Variants in PHF3 observed in about 807,000 individuals in gnomAD.
PHF3 encodes PHD finger protein 3.
PHF3 carries 41 observed loss-of-function variants against 178.4 expected under a neutral mutation model. That is an observed-to-expected ratio of 0.23 (90% CI 0.18 to 0.30). PHF3 has a LOEUF of 0.30. Ranked by LOEUF, PHF3 falls within the 10% of genes least tolerant of loss-of-function variation. The pLI is 1.00. For missense variants in PHF3, 2,346 were observed against 2,398.1 expected (o/e 0.98, Z 0.45); for synonymous variants, 842 against 800.5 (o/e 1.05, Z -0.88).
chr6:63,717,312 T>TA lies in PHF3; in HGVS notation c.*3608dup, dbSNP rs1241863226. Among the ~76,000 whole-genome samples the TA allele has an allele frequency of 6.6e-6, 1 of 152,068 alleles. No homozygotes were observed. Among genetic ancestry groups the TA allele is most frequent in the African/African-American group, 2.4e-5 (1 of 41,428 alleles). On this transcript the variant is annotated 3_prime_UTR_variant, in exon 16 of 16. Coordinates refer to ENST00000262043, the MANE Select transcript of PHF3 (RefSeq NM_001370348.2). ...AGCTTGATAATGAACCAGATCTTAG[T>TA]AAAACAGTATTTTAACATTTGGATA...
intron 2 of PHF3, among the ~76,000 whole-genome samples, chr6:63,673,357 AAGC>A (rs535404106): frequency 1.3e-3 from 195 of 152,296 alleles, no homozygotes; most frequent in South Asian, 2.9e-3. Context: ...GTTCATAAAA[AAGC>A]AGCATTAGGC....
chr6:63,693,305 C>G (rs559079818), intron 5 of PHF3, among the ~76,000 whole-genome samples: 1 of 152,254 alleles, frequency 6.6e-6, no homozygotes, highest in South Asian at 2.1e-4. Flanking sequence ...GCTGAGTTGT[C>G]TCTGTCTTGC....
chr6:63,707,262 A>G (rs1767734334), intron 13 of PHF3, among the ~76,000 whole-genome samples: 1 of 152,114 alleles, frequency 6.6e-6, no homozygotes, highest in Admixed American at 6.5e-5. Flanking sequence ...TGATTTCCCC[A>G]CTGCTTATGT....
In PHF3 at chr6:63,722,444, C is replaced by T. The variant is rs1383804655; in HGVS notation, c.*8736C>T. 6.6e-6 allele frequency among the ~76,000 whole-genome samples: 1 copy of T among 152,244 alleles called. No homozygotes were observed. The highest frequency in any genetic ancestry group is 1.9e-4 in the East Asian group (1 of 5,180). ...AATATCACTAGGTTTCCCTCCATTA[C>T]AGTATATCTCATTTTATAATTATAT... On this transcript the variant is annotated 3_prime_UTR_variant, in exon 16 of 16. Coordinates refer to ENST00000262043, the MANE Select transcript of PHF3 (RefSeq NM_001370348.2).
rs751911231 is a variant in PHF3 at position 63,698,320 on chromosome 6, G to C, written c.2778G>C (p.Gln926His). 1 of 1,612,726 alleles carries C rather than the reference G, an allele frequency of 6.2e-7. No homozygotes were observed. The highest frequency in any genetic ancestry group is 8.5e-7 in the Non-Finnish European group (1 of 1,179,164). The change falls in exon 7 of 16, where the codon CAG becomes CAC. Residue 926 changes from glutamine (Q) to histidine (H), a missense_variant. Physicochemically the swap from Gln to His is conservative, Grantham distance 24. Around this residue, in one of 8 missense-constraint regions of PHF3, gnomAD observed 252 missense variants for 232.0 expected, o/e 1.09. Coordinates refer to ENST00000262043, the MANE Select transcript of PHF3 (RefSeq NM_001370348.2). ...CTGCTTCCAAGCCTTCTGCAGATCA[G>C]ATCAGGCAAAGTGTCAGACATTCTC... ...AASASKPSAD[Q>H]IRQSVRHSLK...
intron 9 of PHF3, among the ~76,000 whole-genome samples, chr6:63,701,947 C>T (rs1193022887): frequency 6.6e-6 from 1 of 152,114 alleles, no homozygotes; most frequent in Non-Finnish European, 1.5e-5. Flanking sequence ...CTGTTCTATT[C>T]CTGGCTACCT....
intron 2 of PHF3, among the ~76,000 whole-genome samples, chr6:63,655,462 CT>C (rs1408611091): frequency 6.6e-6 from 1 of 152,164 alleles, no homozygotes; most frequent in Non-Finnish European, 1.5e-5. Context: ...AGCTGCCCAC[CT>C]TAGCCCCCCA....
intron 1 of PHF3, chr6:63,636,504 C>G (rs1581977472): frequency 6.6e-6 from 1 of 152,276 alleles, no homozygotes. Flanking sequence ...CGCGCAGGCC[C>G]GAGGCACGGC....
At chr6:63,708,682 A>G (rs1767797041) in intron 13 of PHF3, among the ~76,000 whole-genome samples, 1 of 152,204 alleles carries the variant, frequency 6.6e-6, no homozygotes, top group Non-Finnish European at 1.5e-5. Context: ...ATAAACCTTG[A>G]ATTATTACAA....
chr6:63,657,138 A>G (rs999221758), intron 2 of PHF3, among the ~76,000 whole-genome samples: 2 of 151,984 alleles, frequency 1.3e-5, no homozygotes, highest in Non-Finnish European at 2.9e-5. Context: ...TCTTTCCAAC[A>G]TTTTGCTTTA....
At chr6:63,654,889 CTTTTT>C in intron 2 of PHF3, among the ~76,000 whole-genome samples, 1 of 94,754 alleles carries the variant, frequency 1.1e-5, no homozygotes, top group South Asian at 4.1e-4. Context: ...ATTAGGTGAC[CTTTTT>C]TTTTTTTTTT....
rs780778215 is a variant in PHF3, at chr6:63,706,207, G to C, written c.3546G>C (p.Thr1182=). 5 of 1,612,374 alleles carry C rather than the reference G, an allele frequency of 3.1e-6. No homozygotes were observed. The East Asian group carries it at 1.1e-4, about 36-fold the overall frequency. ...EEEKQESPKS[T]FSPAPRPEMP... ...AGAAACAGGAGTCTCCAAAGTCAAC[G>C]TTCTCTCCTGCTCCACGGTAATTTT... is the stretch of plus-strand genomic sequence containing the variant. The change falls in exon 12 of 16, where the codon ACG becomes ACC. Residue 1182 remains threonine (T), a synonymous_variant. Coordinates refer to ENST00000262043, the MANE Select transcript of PHF3 (RefSeq NM_001370348.2).
chr6:63,640,957 A>C (rs761628765), intron 1 of PHF3, among the ~76,000 whole-genome samples: 1 of 152,174 alleles, frequency 6.6e-6, no homozygotes, highest in African/African-American at 2.4e-5. Flanking sequence ...AGACATGGCA[A>C]ATGTTCTCTG....
At chr6:63,682,489 A>T (rs969875549) in intron 3 of PHF3, among the ~76,000 whole-genome samples, 1 of 152,080 alleles carries the variant, frequency 6.6e-6, no homozygotes, top group African/African-American at 2.4e-5. Flanking sequence ...TGGACTTTTC[A>T]AAAAATGTCC....
intron 1 of PHF3, among the ~76,000 whole-genome samples, chr6:63,642,111 CA>C (rs1192326352): frequency 3.3e-5 from 5 of 152,148 alleles, no homozygotes; most frequent in African/African-American, 1.2e-4. Flanking sequence ...TCTTCGGACT[CA>C]GATTAAATTT....
chr6:63,713,280 A>G lies in PHF3; in HGVS notation c.5692A>G (p.Ser1898Gly). 6.2e-7 allele frequency: 1 copy of G among 1,614,088 alleles called. No individual in the cohort carries two copies. The highest frequency in any genetic ancestry group is 8.5e-7 in the Non-Finnish European group (1 of 1,179,984). ...KDIRRPERRH[S>G]DPWGRQDQQQ... ...CATTCGGAGGCCAGAAAGGCGCCAT[A>G]GTGACCCTTGGGGTAGGCAAGACCA... is the stretch of plus-strand genomic sequence containing the variant. Residue 1898 changes from serine to glycine, a missense_variant, in exon 16 of 16, where the codon AGT becomes GGT. Ser to Gly is a moderately conservative substitution (Grantham distance 56). Around this residue, in one of 8 missense-constraint regions of PHF3, gnomAD observed 839 missense variants for 806.9 expected, o/e 1.04. Coordinates refer to ENST00000262043, the MANE Select transcript of PHF3 (RefSeq NM_001370348.2).
chr6:63,677,521 T>C (rs1257574077), intron 2 of PHF3, among the ~76,000 whole-genome samples: 1 of 152,198 alleles, frequency 6.6e-6, no homozygotes, highest in Non-Finnish European at 1.5e-5. Context: ...ACCTTTGGAT[T>C]TGGCTTGCGA....
chr6:63,672,478 A>G (rs1167290223), intron 2 of PHF3, among the ~76,000 whole-genome samples: 1 of 152,116 alleles, frequency 6.6e-6, no homozygotes, highest in African/African-American at 2.4e-5. Flanking sequence ...ATTTTTCTTA[A>G]TTTCATAATG....
chr6:63,657,737 A>C (rs779293999), intron 2 of PHF3, among the ~76,000 whole-genome samples: 19 of 152,200 alleles, frequency 1.2e-4, no homozygotes, highest in Non-Finnish European at 2.8e-4. Flanking sequence ...TCAAGGGTCA[A>C]CTGAATAAAT....
Sources: allele counts gnomAD v4.1 joint callset (sites outside exome capture counted in the v4.1 genomes callset), GRCh38; gene constraint gnomAD v4.1.1; regional missense constraint gnomAD v4.1.1; transcripts MANE v1.5; gene names NCBI Gene and HGNC (gene_info 2026-07-23, HGNC 2026-07-21).